SERINC3: variants seen among roughly 807,000 people sequenced by gnomAD.
The protein encoded by SERINC3 is serine incorporator 3, also known as tumor differentially expressed protein 1.
Under a neutral mutation model 52.1 loss-of-function variants are expected in SERINC3, and 22 were observed. The observed-to-expected ratio is 0.42, with a 90% confidence interval of 0.30 to 0.60. The LOEUF is 0.60. Among genes scored for constraint, SERINC3 ranks in the 20% least tolerant of loss-of-function variants. SERINC3 has a pLI of 0.16. For missense variants in SERINC3, 564 were observed against 584.6 expected (o/e 0.96, Z 0.36); for synonymous variants, 226 against 212.7 (o/e 1.06, Z -0.54).
At chr20:44,504,741 G>T in intron 7 of SERINC3, 60 bp downstream of exon 7, 1 of 1,391,282 alleles carries the variant, frequency 7.2e-7, no homozygotes. Flanking sequence ...TACCAACTAT[G>T]TAAAGGCTGA....
At chr20:44,500,746 T>G (rs2064274533) in intron 9 of SERINC3, among the ~76,000 whole-genome samples, 1 of 152,180 alleles carries the variant, frequency 6.6e-6, no homozygotes, top group South Asian at 2.1e-4. Context: ...CCTGAAACTT[T>G]CCTTCCTTAG....
At chr20:44,500,931 A>G (rs191439813) in intron 9 of SERINC3, 142 bp downstream of exon 9, 5 of 634,188 alleles carry the variant, frequency 7.9e-6, no homozygotes, top group Non-Finnish European at 1.4e-5. Context: ...TTTAAATGCT[A>G]GAGGGGATAA....
intron 1 of SERINC3, among the ~76,000 whole-genome samples, chr20:44,516,389 TTTC>T (rs1244107677): frequency 4.6e-5 from 7 of 152,078 alleles, no homozygotes; most frequent in Non-Finnish European, 7.4e-5. Context: ...TATTTCTTTT[TTTC>T]TTTTCTTTCT....
chr20:44,510,013 C>T lies in SERINC3; in HGVS notation c.491G>A (p.Gly164Asp). Residue 164 changes from glycine to aspartate, a missense_variant, in exon 5 of 10, where the codon GGC (glycine) becomes GAC (aspartate). Transcript: ENST00000342374. ...GATGAAGAGGGCGGCCCCTATCATG[C>T]CAACAACAAACCAGACTACAAGAAC... ...GYFSSVWFVV[G>D]MIGAALFILI... is the part of the protein sequence containing the mutation. The T allele has an allele frequency of 6.2e-7, 1 of 1,614,074 alleles. No homozygotes were observed. Among genetic ancestry groups the T allele is most frequent in the East Asian group, 2.2e-5 (1 of 44,882 alleles).
In SERINC3 at chr20:44,510,100, G is replaced by A. The variant is rs369705136; in HGVS notation, c.476-72C>T. 5.2e-5 allele frequency: 75 copies of A among 1,429,588 alleles called. No individual in the cohort carries two copies. In the African/African-American group the frequency reaches 7.4e-4, roughly 14 times the overall value. The allele number at this position is 1,429,588 out of a possible 1,614,324, so 88.6% of individuals were successfully genotyped here. A position where few individuals can be genotyped will look rare whatever the true frequency, so the allele number is the denominator to read the frequency against. On this transcript the variant is annotated intron_variant, in intron 4 of 9. Transcript: ENST00000342374. ...TTTCAGAAGATCCAACATTCTGAAC[G>A]GATTTCAATTAAAACAAGACAGAGG... is the stretch of plus-strand genomic sequence containing the variant.
downstream of SERINC3, among the ~76,000 whole-genome samples, chr20:44,496,691 G>A (rs1025279672): frequency 2.6e-5 from 4 of 152,154 alleles, no homozygotes; most frequent in African/African-American, 7.2e-5. Context: ...CTACTCAGGA[G>A]ACTGAGGCAG....
Position 44,500,231 on chromosome 20 carries a change from G to C in SERINC3, c.*65C>G. 1 of 1,509,702 alleles carries C rather than the reference G, an allele frequency of 6.6e-7. No homozygotes were observed. The highest frequency in any genetic ancestry group is 8.9e-7 in the Non-Finnish European group (1 of 1,117,546). The allele number at this position is 1,509,702 out of a possible 1,614,324, so 93.5% of individuals were successfully genotyped here. ...TATTTTAGTTGAAACAAACTTAAAA[G>C]GTATATGGGTTTTCGGTGAAGGAGA... On this transcript the variant is annotated 3_prime_UTR_variant, in exon 10 of 10. Coordinates refer to ENST00000342374, the MANE Select transcript of SERINC3 (RefSeq NM_006811.4).
chr20:44,511,340 T>C lies in SERINC3; in HGVS notation c.424A>G (p.Ile142Val), dbSNP rs772088578. The C allele has an allele frequency of 6.2e-7, 1 of 1,613,238 alleles. No homozygotes were observed. The highest frequency in any genetic ancestry group is 2.2e-5 in the East Asian group (1 of 44,878). Residue 142 changes from isoleucine (I) to valine (V), a missense_variant, in exon 4 of 10, where the codon ATT becomes GTT. Physicochemically the swap from Ile to Val is conservative, Grantham distance 29. Transcript: ENST00000342374. ...TAGAAAGAGCCAACCATGATTCCAA[T>C]AAGGGCAGCAATTTTGAAGAACCAA... ...GFWFFKIAAL[I>V]GIMVGSFYIP...
Position 44,521,798 on chromosome 20 carries a change from C to T in SERINC3, c.39+115G>A, listed in dbSNP as rs2064418805. 7 of 1,091,580 alleles carry T rather than the reference C, an allele frequency of 6.4e-6. No individual in the cohort carries two copies. The Admixed American group carries it at 1.4e-4, about 22-fold the overall frequency. The allele number at this position is 1,091,580 out of a possible 1,614,324, so 67.6% of individuals were successfully genotyped here. A position where few individuals can be genotyped will look rare whatever the true frequency, so the allele number is the denominator to read the frequency against. On this transcript the variant is annotated intron_variant, in intron 1 of 9. Coordinates refer to ENST00000342374, the MANE Select transcript of SERINC3 (RefSeq NM_006811.4). ...CTGGGGCCCCGGAGACCCTCTGTAG[C>T]CCAGGGCCTGCTGACATCCCGAGAG...
intron 8 of SERINC3, among the ~76,000 whole-genome samples, chr20:44,503,445 C>T (rs1296803866): frequency 6.6e-6 from 1 of 152,142 alleles, no homozygotes; most frequent in African/African-American, 2.4e-5. Flanking sequence ...GTCAGGAGTT[C>T]GAGACCAGCC....
chr20:44,512,435 T>C (rs2425641), intron 3 of SERINC3, among the ~76,000 whole-genome samples: 56,585 of 152,048 alleles, frequency 0.37, 13,100 homozygotes, highest in Non-Finnish European at 0.53. Flanking sequence ...CACTGACTTT[T>C]GTACACTGTT....
intron 1 of SERINC3, chr20:44,519,354 A>G: frequency 1.1e-6 from 1 of 895,714 alleles, no homozygotes; most frequent in Non-Finnish European, 1.3e-6. Flanking sequence ...TCACGAGGTC[A>G]GGAGATTGAG....
chr20:44,514,050 G>A lies in SERINC3; in HGVS notation c.40-10C>T. On this transcript the variant is annotated splice_polypyrimidine_tract_variant and intron_variant, in intron 1 of 9. Coordinates refer to ENST00000342374, the MANE Select transcript of SERINC3 (RefSeq NM_006811.4). Reference sequence around the variant, plus strand: ...TGCAGAGGCATGGAACCTGGAATGAGCACACCATGGTCACCTGAGACCGCC... The same window carrying A: ...TGCAGAGGCATGGAACCTGGAATGAACACACCATGGTCACCTGAGACCGCC... The A allele has an allele frequency of 3.1e-6, 5 of 1,613,254 alleles. No homozygotes were observed. Among genetic ancestry groups the A allele is most frequent in the Non-Finnish European group, 4.2e-6 (5 of 1,179,616 alleles).
intron 1 of SERINC3, among the ~76,000 whole-genome samples, chr20:44,520,235 G>C (rs1312782348): frequency 6.6e-6 from 1 of 152,080 alleles, no homozygotes; most frequent in Non-Finnish European, 1.5e-5. Context: ...AATTAGCTGG[G>C]CGTGGTGGCA....
In SERINC3 at chr20:44,513,753, C is replaced by A. The variant is rs187094803; in HGVS notation, c.201+126G>T. 4.3e-5 allele frequency: 31 copies of A among 724,686 alleles called. No homozygotes were observed. In the East Asian group the frequency reaches 8.1e-4, roughly 19 times the overall value. 44.9% of individuals were successfully genotyped at this position (724,686 alleles called of 1,614,324 possible). ...CTCATATTTCTGTGTTTTGACCACA[C>A]CCCCATATAAGTAAAAAATCTCCAA... On this transcript the variant is annotated intron_variant, in intron 2 of 9. Coordinates refer to ENST00000342374, the MANE Select transcript of SERINC3 (RefSeq NM_006811.4).
chr20:44,512,933 T>C lies in SERINC3; in HGVS notation c.263A>G (p.Asp88Gly). 6.5e-7 allele frequency: 1 copy of C among 1,549,224 alleles called. No homozygotes were observed. The highest frequency in any genetic ancestry group is 8.6e-7 in the Non-Finnish European group (1 of 1,157,126). ...IHEADINADK[D>G]CDVLVGYKAV... is the part of the protein sequence containing the mutation. The stretch of plus-strand genomic sequence containing the variant: ...TTTATAACCAACCAGCACATCACAA[T>C]CTTTATCTGCATTTATATCAGCCTC... Residue 88 changes from aspartate to glycine, a missense_variant, in exon 3 of 10, where the codon GAT becomes GGT. By Grantham distance (94) the Asp-to-Gly change is moderately conservative. Transcript: ENST00000342374.
At chr20:44,504,759 C>CT in intron 7 of SERINC3, 42 bp downstream of exon 7, 2 of 1,504,090 alleles carry the variant, frequency 1.3e-6, no homozygotes, top group Non-Finnish European at 1.8e-6. Flanking sequence ...TGATTTCCTA[C>CT]TTTCTTTTTA....
downstream of SERINC3, among the ~76,000 whole-genome samples, chr20:44,496,846 ACTTGG>A (rs1239546692): frequency 4.6e-5 from 7 of 152,190 alleles, no homozygotes; most frequent in Non-Finnish European, 4.4e-5. Flanking sequence ...TCCATTCCTC[ACTTGG>A]CTAGCCAAAA....
intron 3 of SERINC3, among the ~76,000 whole-genome samples, chr20:44,511,798 C>A (rs890919552): frequency 6.6e-6 from 1 of 152,204 alleles, no homozygotes; most frequent in Non-Finnish European, 1.5e-5. Context: ...TCACTGGCAC[C>A]TGATTTTCAG....
Sources: gnomAD v4.1 joint callset for allele counts (sites outside exome capture counted in the v4.1 genomes callset) on GRCh38, gnomAD v4.1.1 for gene constraint, MANE v1.5 for transcripts, NCBI Gene and HGNC (gene_info 2026-07-23, HGNC 2026-07-21) for gene names.